NSF: variants seen among roughly 807,000 people sequenced by gnomAD.
NSF encodes N-ethylmaleimide sensitive factor, vesicle fusing ATPase.
NSF carries 14 observed loss-of-function variants against 50.3 expected under a neutral mutation model. The observed-to-expected ratio is 0.28, with a 90% CI of 0.18 to 0.44. The LOEUF (loss-of-function observed/expected upper bound fraction) is 0.44, where lower values mean the gene tolerates loss of function less well. Ranked by LOEUF, NSF falls within the 20% of genes least tolerant of loss-of-function variation. NSF has a pLI of 1.00. For synonymous variants in NSF, 109 were observed against 175.7 expected, an observed-to-expected ratio of 0.62 and a Z score of 3.00; for missense variants, 218 against 504.3, an observed-to-expected ratio of 0.43 and a Z score of 5.44.
In NSF at chr17:46,756,114, T is replaced by C. The variant is rs527263244; in HGVS notation, c.*291T>C. On this transcript the variant is annotated 3_prime_UTR_variant, in exon 21 of 21. Transcript: ENST00000398238. Reference sequence around the variant, plus strand: ...CCTCTGGGTGGGAACCATCCAGTACTTGTGGACACTACACGTTTCAACCTC... The same window carrying C: ...CCTCTGGGTGGGAACCATCCAGTACCTGTGGACACTACACGTTTCAACCTC... 3 of 340,586 alleles carry C rather than the reference T, an allele frequency of 8.8e-6. No homozygotes were observed. The highest frequency in any genetic ancestry group is 4.2e-5 in the African/African-American group (2 of 47,462). The allele number at this position is 340,586 out of a possible 1,614,324, so 21.1% of individuals were successfully genotyped here. A position where few individuals can be genotyped will look rare whatever the true frequency, so the allele number is the denominator to read the frequency against.
At chr17:46,736,099 A>C (rs1346326944) in intron 17 of NSF, among the ~76,000 whole-genome samples, 1 of 152,202 alleles carries the variant, frequency 6.6e-6, no homozygotes, top group East Asian at 1.9e-4. Context: ...AACTTCCCTC[A>C]TTTGCAGTAC....
chr17:46,711,131 T>G lies in NSF; in HGVS notation c.1627+12T>G. ...CGTGCTTCTGGAAGGTGAGAATGAA[T>G]GAGGAGATGGCATTAAAAGTTAAAG... On this transcript the variant is annotated intron_variant, in intron 14 of 20. Coordinates refer to ENST00000398238, the MANE Select transcript of NSF (RefSeq NM_006178.4). 6.7e-7 allele frequency: 1 copy of G among 1,491,976 alleles called. No homozygotes were observed. The highest frequency in any genetic ancestry group is 1.4e-5 in the South Asian group (1 of 73,016). The allele number at this position is 1,491,976 out of a possible 1,614,324, so 92.4% of individuals were successfully genotyped here. A position where few individuals can be genotyped will look rare whatever the true frequency, so the allele number is the denominator to read the frequency against.
chr17:46,751,696 C>A, intron 19 of NSF, 80 bp downstream of exon 19: 2 of 782,586 alleles, frequency 2.6e-6, no homozygotes, highest in South Asian at 2.6e-5. Context: ...TTTCCTTTGC[C>A]AAGGTTTTAA....
intron 9 of NSF, among the ~76,000 whole-genome samples, chr17:46,680,278 A>G (rs2058442086): frequency 6.6e-6 from 1 of 151,896 alleles, no homozygotes; most frequent in African/African-American, 2.4e-5. Flanking sequence ...ATATTCATGC[A>G]AAAACAGACC....
intron 17 of NSF, among the ~76,000 whole-genome samples, chr17:46,746,386 A>G (rs538942708): frequency 2.6e-4 from 40 of 152,324 alleles, no homozygotes; most frequent in African/African-American, 8.7e-4. Flanking sequence ...CAGCAGGTGG[A>G]TAAAAACAAT....
At chr17:46,711,693 A>C (rs2058720808) in intron 14 of NSF, among the ~76,000 whole-genome samples, 1 of 152,236 alleles carries the variant, frequency 6.6e-6, no homozygotes, top group South Asian at 2.1e-4. Flanking sequence ...ATTAATTTAC[A>C]GTTATAATTA....
intron 15 of NSF, among the ~76,000 whole-genome samples, chr17:46,725,940 G>A (rs2058885067): frequency 6.6e-6 from 1 of 152,118 alleles, no homozygotes; most frequent in Non-Finnish European, 1.5e-5. Context: ...CTACATCCTT[G>A]CCAGGCTAAA....
At chr17:46,740,764 T>TTCAAGTTCGGCTCACCTCAACCTCCTG (rs1382029551) in intron 17 of NSF, among the ~76,000 whole-genome samples, 1 of 151,430 alleles carries the variant, frequency 6.6e-6, no homozygotes, top group African/African-American at 2.4e-5. Flanking sequence ...TGGGTTCAAG[T>TTCAAGTTCGGCTCACCTCAACCTCCTG]GATTCTCCTA....
intron 8 of NSF, among the ~76,000 whole-genome samples, chr17:46,666,085 A>G (rs1356345828): frequency 6.6e-6 from 1 of 151,240 alleles, no homozygotes; most frequent in Admixed American, 6.7e-5. Flanking sequence ...CCGCTTTCCA[A>G]TGTCTGGCAG....
chr17:46,755,024 C>T (rs1467100895), intron 19 of NSF, among the ~76,000 whole-genome samples: 2 of 152,258 alleles, frequency 1.3e-5, no homozygotes, highest in African/African-American at 4.8e-5. Flanking sequence ...ACAGCGATGC[C>T]TCACAGGCAT....
intron 4 of NSF, among the ~76,000 whole-genome samples, chr17:46,633,812 A>C (rs966487900): frequency 8.4e-6 from 1 of 118,578 alleles, no homozygotes; most frequent in Non-Finnish European, 1.6e-5. Context: ...GAGGGAAACA[A>C]CTAAGCTCTT....
chr17:46,692,998 T>C lies in NSF; in HGVS notation c.1041T>C (p.His347=). 6.2e-7 allele frequency: 1 copy of C among 1,609,472 alleles called. No individual in the cohort carries two copies. The highest frequency in any genetic ancestry group is 2.2e-5 in the East Asian group (1 of 44,630). The part of the protein sequence containing the change: ...RGSMAGSTGV[H]DTVVNQLLSK... ...GCATGGCTGGTAGCACGGGAGTTCA[T>C]GACACTGTTGTCAACCAGTTGCTGT... is the stretch of plus-strand genomic sequence containing the variant. The change falls in exon 10 of 21, where the codon CAT becomes CAC. Residue 347 remains histidine, a synonymous_variant. Coordinates refer to ENST00000398238, the MANE Select transcript of NSF (RefSeq NM_006178.4).
At chr17:46,679,616 C>A (rs1266363879) in intron 9 of NSF, among the ~76,000 whole-genome samples, 1 of 133,976 alleles carries the variant, frequency 7.5e-6, no homozygotes, top group Non-Finnish European at 1.6e-5. Context: ...TGCTTGAACC[C>A]GGGAGGCGGA....
rs1159516859 is a variant in NSF at position 46,755,340 on chromosome 17, A to G, written c.2184A>G (p.Lys728=). Residue 728 remains lysine (K), a synonymous_variant, in exon 20 of 21, where the codon AAA becomes AAG. Transcript: ENST00000398238. ...LQMDPEYRVR[K]FLALLREEGA... ...TGGATCCTGAATACCGTGTGAGAAA[A>G]TTCTTGGCCCTCTTAAGAGAAGAAG... is the stretch of plus-strand genomic sequence containing the variant. 2.5e-6 allele frequency: 4 copies of G among 1,613,736 alleles called. No individual in the cohort carries two copies. The African/African-American group carries it at 4.0e-5, about 16-fold the overall frequency.
chr17:46,713,874 C>G lies in NSF; in HGVS notation c.1649C>G (p.Thr550Ser). 2 of 1,611,658 alleles carry G rather than the reference C, an allele frequency of 1.2e-6. No individual in the cohort carries two copies. Among genetic ancestry groups the G allele is most frequent in the Non-Finnish European group, 1.7e-6 (2 of 1,179,376 alleles). Reference protein sequence around the residue: ...LLEGPPHSGKTALAAKIAEES... With the variant: ...LLEGPPHSGKSALAAKIAEES... ...GCAGGCCCTCCTCACAGTGGGAAGA[C>G]TGCTTTAGCTGCAAAAATTGCAGAG... The change falls in exon 15 of 21, where the codon ACT becomes AGT. Residue 550 changes from threonine to serine, a missense_variant. Thr to Ser is a moderately conservative substitution (Grantham distance 58). Around this residue, in one of 2 missense-constraint regions of NSF, gnomAD observed 209 missense variants for 320.9 expected, o/e 0.65. Transcript: ENST00000398238.
At chr17:46,734,901 G>T (rs545042919) in intron 17 of NSF, among the ~76,000 whole-genome samples, 1 of 152,134 alleles carries the variant, frequency 6.6e-6, no homozygotes, top group African/African-American at 2.4e-5. Flanking sequence ...ACAAAAAAAA[G>T]TTAGTCGAAT....
At chr17:46,753,111 G>A (rs1459310924) in intron 19 of NSF, among the ~76,000 whole-genome samples, 1 of 152,192 alleles carries the variant, frequency 6.6e-6, no homozygotes, top group African/African-American at 2.4e-5. Flanking sequence ...TCATTTTACA[G>A]TTAGGTAAAT....
intron 13 of NSF, among the ~76,000 whole-genome samples, chr17:46,709,257 A>G (rs1369567067): frequency 6.6e-6 from 1 of 152,178 alleles, no homozygotes. Context: ...AGTAACTCCA[A>G]GATTTTTTTA....
intron 17 of NSF, among the ~76,000 whole-genome samples, chr17:46,739,126 T>C (rs2059039436): frequency 6.6e-6 from 1 of 151,982 alleles, no homozygotes; most frequent in Non-Finnish European, 1.5e-5. Flanking sequence ...TCCCAGCACT[T>C]TGGGAGGCCA....
Sources: allele counts gnomAD v4.1 joint callset (sites outside exome capture counted in the v4.1 genomes callset), GRCh38; gene constraint gnomAD v4.1.1; regional missense constraint gnomAD v4.1.1; transcripts MANE v1.5; gene names NCBI Gene and HGNC (gene_info 2026-07-23, HGNC 2026-07-21).